The following SEMA4F variants were observed in gnomAD, a reference collection of about 807,000 sequenced individuals.
SEMA4F encodes ssemaphorin 4F, also known as semaphorin-4F.
A neutral mutation model predicts 78.4 loss-of-function variants in SEMA4F; 51 were observed. The ratio of observed to expected loss-of-function variants is 0.65; its 90% CI spans 0.52 to 0.82. The LOEUF is 0.82. Among genes scored for constraint, SEMA4F ranks in the 40% least tolerant of loss-of-function variants. The pLI, the probability that SEMA4F is intolerant of heterozygous loss-of-function variation, is 0.00. For synonymous variants in SEMA4F, 418 were observed against 408.7 expected (o/e 1.02, Z -0.27); for missense variants, 938 against 1,014.4 (o/e 0.92, Z 1.02).
At chr2:74,703,170 T>G in the SEMA4F span, among the ~76,000 whole-genome samples, 1 of 152,118 alleles carries the variant, frequency 6.6e-6, no homozygotes, top group Non-Finnish European at 1.5e-5. Flanking sequence ...AAGGAGATGA[T>G]TCATTTGGAG....
intron 12 of SEMA4F, 113 bp from the exon 13 acceptor site, chr2:74,679,163 G>T: frequency 1.1e-6 from 1 of 875,672 alleles, no homozygotes; most frequent in South Asian, 1.4e-5. Context: ...ATAATTTCTG[G>T]AGTGATTTCT....
Position 74,656,554 on chromosome 2 carries a change from C to G in SEMA4F, c.166C>G (p.Arg56Gly). 1 of 1,613,942 alleles carries G rather than the reference C, an allele frequency of 6.2e-7. No homozygotes were observed. Among genetic ancestry groups the G allele is most frequent in the Non-Finnish European group, 8.5e-7 (1 of 1,179,866 alleles). The change falls in exon 2 of 14, where the codon CGG becomes GGG. Residue 56 changes from arginine (R) to glycine (G), a missense_variant. Physicochemically the swap from Arg to Gly is moderately radical, Grantham distance 125 (BLOSUM62 -2). Coordinates refer to ENST00000357877, the MANE Select transcript of SEMA4F (RefSeq NM_004263.5). ...GCCAGAGGCTGACTCCTGTCTCACC[C>G]GGTTCGCAGTCCCTCACACATACAA... Reference protein sequence around the residue: ...PISEADSCLTRFAVPHTYNYS... With the variant: ...PISEADSCLTGFAVPHTYNYS...
At chr2:74,708,226 T>C in the SEMA4F span, among the ~76,000 whole-genome samples, 1 of 151,982 alleles carries the variant, frequency 6.6e-6, no homozygotes, top group African/African-American at 2.4e-5. Context: ...TATATAGGAA[T>C]CCAAAAATAT....
At chr2:74,695,211 ATGTGAGTCGAG>A in the SEMA4F span, among the ~76,000 whole-genome samples, 1 of 152,240 alleles carries the variant, frequency 6.6e-6, no homozygotes, top group Non-Finnish European at 1.5e-5. Context: ...ACTCAGCCAG[ATGTGAGTCGAG>A]TTGCCTCCCG....
intron 5 of SEMA4F, among the ~76,000 whole-genome samples, chr2:74,668,923 C>T (rs1252937682): frequency 8.8e-6 from 1 of 113,762 alleles, no homozygotes; most frequent in Non-Finnish European, 1.7e-5. Flanking sequence ...AGCCACCAAG[C>T]GTGGCCAAAA....
downstream of SEMA4F, among the ~76,000 whole-genome samples, chr2:74,685,089 A>G (rs1315932488): frequency 6.6e-6 from 1 of 152,160 alleles, no homozygotes; most frequent in African/African-American, 2.4e-5. Flanking sequence ...TGCACTCATA[A>G]TCTCACTCAT....
At chr2:74,676,453 G>A (rs368176835) in intron 12 of SEMA4F, among the ~76,000 whole-genome samples, 2 of 152,158 alleles carry the variant, frequency 1.3e-5, no homozygotes, top group South Asian at 4.1e-4. Flanking sequence ...CTCCCCATCC[G>A]ACTGTCTACT....
At chr2:74,693,026 T>A in the SEMA4F span, among the ~76,000 whole-genome samples, 91 of 152,372 alleles carry the variant, frequency 6.0e-4, 1 homozygote, top group Non-Finnish European at 2.1e-4. Flanking sequence ...AGGCCAGAGA[T>A]ACAATCTGTA....
the SEMA4F span, among the ~76,000 whole-genome samples, chr2:74,703,545 A>G: frequency 1.3e-5 from 2 of 152,172 alleles, no homozygotes; most frequent in South Asian, 4.1e-4. Flanking sequence ...CTTGTGTTGC[A>G]ATGGGCCAAA....
intron 5 of SEMA4F, among the ~76,000 whole-genome samples, chr2:74,666,813 G>A (rs954144141): frequency 1.3e-5 from 2 of 152,214 alleles, no homozygotes; most frequent in South Asian, 2.1e-4. Context: ...ATTTTGAAAT[G>A]AAAAGAGCTT....
At chr2:74,666,252 T>C (rs532430706) in intron 5 of SEMA4F, among the ~76,000 whole-genome samples, 4 of 152,342 alleles carry the variant, frequency 2.6e-5, no homozygotes, top group Admixed American at 6.5e-5. Context: ...GAGTAATTTC[T>C]CTTTATTAGG....
At chr2:74,698,754 T>C in the SEMA4F span, among the ~76,000 whole-genome samples, 1 of 152,210 alleles carries the variant, frequency 6.6e-6, no homozygotes, top group African/African-American at 2.4e-5. Flanking sequence ...CTATCAGTCC[T>C]TCCCACTTGA....
downstream of SEMA4F, among the ~76,000 whole-genome samples, chr2:74,685,111 A>G (rs1476142044): frequency 6.6e-6 from 1 of 152,188 alleles, no homozygotes; most frequent in African/African-American, 2.4e-5. Flanking sequence ...CCTCCTATTG[A>G]GCACCTGCTA....
In SEMA4F at chr2:74,654,331, C is replaced by T. The variant is rs1230259367; in HGVS notation, c.-46C>T. The T allele has an allele frequency of 1.4e-6, 2 of 1,425,528 alleles. No homozygotes were observed. Among genetic ancestry groups the T allele is most frequent in the Non-Finnish European group, 1.8e-6 (2 of 1,096,476 alleles). The allele number at this position is 1,425,528 out of a possible 1,614,324, so 88.3% of individuals were successfully genotyped here. A position where few individuals can be genotyped will look rare whatever the true frequency, so the allele number is the denominator to read the frequency against. On this transcript the variant is annotated 5_prime_UTR_variant, in exon 1 of 14. Transcript: ENST00000357877. ...AGGCCAGTAGCCCCGGGGCCCTGAG[C>T]AGAGGCCGTAGCTTGCGCCGCACCC... is the stretch of plus-strand genomic sequence containing the variant.
Position 74,654,258 on chromosome 2 carries a change from C to G in SEMA4F, c.-119C>G, listed in dbSNP as rs1683987510. 1.7e-6 allele frequency: 2 copies of G among 1,211,310 alleles called. No homozygotes were observed. Among genetic ancestry groups the G allele is most frequent in the Non-Finnish European group, 2.1e-6 (2 of 933,824 alleles). The allele number at this position is 1,211,310 out of a possible 1,614,324, so 75.0% of individuals were successfully genotyped here. A position where few individuals can be genotyped will look rare whatever the true frequency, so the allele number is the denominator to read the frequency against. ...CGGAGCCGGGCGGTGTTTCATCCCT[C>G]AGCCTCAGGCTGAGCCGGACCGAGC... On this transcript the variant is annotated 5_prime_UTR_variant, in exon 1 of 14. Coordinates refer to ENST00000357877, the MANE Select transcript of SEMA4F (RefSeq NM_004263.5).
the SEMA4F span, among the ~76,000 whole-genome samples, chr2:74,694,630 A>T: frequency 1.3e-5 from 2 of 152,008 alleles, no homozygotes; most frequent in Non-Finnish European, 2.9e-5. Flanking sequence ...TAATAGTTAA[A>T]AACAATACCA....
Position 74,674,664 on chromosome 2 carries a change from T to C in SEMA4F, c.989T>C (p.Phe330Ser), listed in dbSNP as rs767161463. ...GGGACTCCCATCTTTTATGGCATCT[T>C]TTCTTCCCAGTGGTGAGGGGTCTTG... ...GAGTPIFYGI[F>S]SSQWEGATIS... Residue 330 changes from phenylalanine to serine, a missense_variant, in exon 8 of 14, where the codon TTT becomes TCT. Coordinates refer to ENST00000357877, the MANE Select transcript of SEMA4F (RefSeq NM_004263.5). The C allele has an allele frequency of 6.2e-7, 1 of 1,613,944 alleles. No homozygotes were observed. The highest frequency in any genetic ancestry group is 1.1e-5 in the South Asian group (1 of 91,044).
chr2:74,701,878 C>G, the SEMA4F span, among the ~76,000 whole-genome samples: 11 of 152,168 alleles, frequency 7.2e-5, no homozygotes, highest in African/African-American at 2.7e-4. Flanking sequence ...TCTTGGGCAG[C>G]CTGGAAGCCC....
In SEMA4F at chr2:74,675,010, A is replaced by G; in HGVS notation, c.1124A>G (p.Asp375Gly). Reference protein sequence around the residue: ...CNRGLPVVDNDVPQPRPGECI... With the variant: ...CNRGLPVVDNGVPQPRPGECI... ...AGAGGACTGCCTGTCGTGGACAATG[A>G]TGTGCCCCAGCCCAGACCTGGAGAG... The change falls in exon 9 of 14, where the codon GAT (aspartate) becomes GGT (glycine). Residue 375 changes from aspartate (D) to glycine (G), a missense_variant. Transcript: ENST00000357877. 6.2e-7 allele frequency: 1 copy of G among 1,613,510 alleles called. No homozygotes were observed.
Sources: allele counts gnomAD v4.1 joint callset (sites outside exome capture counted in the v4.1 genomes callset), GRCh38; gene constraint gnomAD v4.1.1; transcripts MANE v1.5; gene names NCBI Gene and HGNC (gene_info 2026-07-23, HGNC 2026-07-21).